PCNT: variants seen among roughly 807,000 people sequenced by gnomAD.
PCNT encodes the protein kendrin.
A neutral mutation model predicts 380.4 loss-of-function variants in PCNT; 319 were observed. That is an observed-to-expected ratio of 0.84 (90% CI 0.77 to 0.92). The LOEUF is 0.92. Among genes scored for constraint, PCNT ranks in the 40% least tolerant of loss-of-function variants. PCNT has a pLI of 0.00. For missense variants in PCNT, 4,400 were observed against 4,255.3 expected, an observed-to-expected ratio of 1.03 and a Z score of -0.95; for synonymous variants, 1,845 against 1,735.2, an observed-to-expected ratio of 1.06 and a Z score of -1.57.
Position 46,354,029 on chromosome 21 carries a change from A to G in PCNT, c.1722A>G (p.Arg574=). The G allele has an allele frequency of 6.2e-7, 1 of 1,614,196 alleles. No homozygotes were observed. The highest frequency in any genetic ancestry group is 8.5e-7 in the Non-Finnish European group (1 of 1,180,002). The change falls in exon 11 of 47, where the codon AGA becomes AGG. Residue 574 remains arginine, a synonymous_variant. Transcript: ENST00000359568. ...TAGAAGAGAAACCTGAGAAAGGAAG[A>G]AAAGATCACGTTGATGAACTCGAGC... ...VGLEEKPEKG[R]KDHVDELEPE...
chr21:46,431,201 G>A (rs2087748823), intron 37 of PCNT: 2 of 1,236,070 alleles, frequency 1.6e-6, no homozygotes, highest in Non-Finnish European at 2.0e-6. Flanking sequence ...TCTGAAGAGG[G>A]GGCAGGAGCC....
Position 46,432,178 on chromosome 21 carries a change from A to G in PCNT, c.8714A>G (p.Glu2905Gly), listed in dbSNP as rs750221015. 3 of 1,612,816 alleles carry G rather than the reference A, an allele frequency of 1.9e-6. No homozygotes were observed. Among genetic ancestry groups the G allele is most frequent in the East Asian group, 4.5e-5 (2 of 44,874 alleles). Residue 2905 changes from glutamate (E) to glycine (G), a missense_variant, in exon 38 of 47, where the codon GAG (glutamate) becomes GGG (glycine). Physicochemically the swap from Glu to Gly is moderately conservative, Grantham distance 98. Transcript: ENST00000359568. Reference protein sequence around the residue: ...AEARQSPAAAEQWRKWQRDKE... With the variant: ...AEARQSPAAAGQWRKWQRDKE... ...GCCAGGCAGAGCCCAGCGGCTGCGG[A>G]GCAGTGGAGGAAGTGGCAGAGAGAC...
chr21:46,386,611 C>A (rs2085847376), intron 17 of PCNT, among the ~76,000 whole-genome samples: 1 of 152,244 alleles, frequency 6.6e-6, no homozygotes, highest in Non-Finnish European at 1.5e-5. Flanking sequence ...CAGGCCACAT[C>A]CTGCCTTGGT....
chr21:46,333,741 G>A (rs112158034), intron 2 of PCNT, among the ~76,000 whole-genome samples: 13,536 of 149,480 alleles, frequency 0.091, 761 homozygotes, highest in Middle Eastern at 0.14. Flanking sequence ...GGGAGGTTGA[G>A]ACAGGAGAAT....
At chr21:46,433,948 T>C (rs979804785) in intron 38 of PCNT, among the ~76,000 whole-genome samples, 5 of 152,208 alleles carry the variant, frequency 3.3e-5, no homozygotes, top group African/African-American at 1.2e-4. Context: ...AGCTAATTTT[T>C]GTATTTTTAG....
rs769731715 is a variant in PCNT, at chr21:46,427,910, G to C, written c.7494+115G>C. 3 of 1,159,074 alleles carry C rather than the reference G, an allele frequency of 2.6e-6. No homozygotes were observed. In the Admixed American group the frequency reaches 5.8e-5, roughly 23 times the overall value. The allele number at this position is 1,159,074 out of a possible 1,614,324, so 71.8% of individuals were successfully genotyped here. A position where few individuals can be genotyped will look rare whatever the true frequency, so the allele number is the denominator to read the frequency against. ...TTCGGTTTGTGTGTTTCTCTCGACCGCTGGAATGTGGCTGTCACTTACCCA... is the reference window on the plus strand; with the variant it reads ...TTCGGTTTGTGTGTTTCTCTCGACCCCTGGAATGTGGCTGTCACTTACCCA... On this transcript the variant is annotated intron_variant, in intron 34 of 46. Transcript: ENST00000359568.
intron 19 of PCNT, among the ~76,000 whole-genome samples, chr21:46,389,852 G>A (rs1260532077): frequency 6.6e-6 from 1 of 152,236 alleles, no homozygotes; most frequent in African/African-American, 2.4e-5. Context: ...GGAGGCTAAG[G>A]TAGGAGGTTC....
Position 46,425,926 on chromosome 21 carries a change from G to A in PCNT, c.7275G>A (p.Lys2425=). The change falls in exon 33 of 47, where the codon AAG becomes AAA. Residue 2425 remains lysine, a synonymous_variant. Transcript: ENST00000359568. The surrounding 1 kb of genome is among the most constrained non-coding windows in gnomAD (Gnocchi z 4.2). The part of the protein sequence containing the change: ...PPSGEPHPPR[K]EDEIQDISLH... ...GCGGCGAGCCACACCCACCCCGGAAGGAAGACGAGATACAGGACATCTCGC... is the reference window on the plus strand; with the variant it reads ...GCGGCGAGCCACACCCACCCCGGAAAGAAGACGAGATACAGGACATCTCGC... 3 of 1,614,108 alleles carry A rather than the reference G, an allele frequency of 1.9e-6. No individual in the cohort carries two copies. The highest frequency in any genetic ancestry group is 2.5e-6 in the Non-Finnish European group (3 of 1,180,022).
chr21:46,440,210 C>G lies in PCNT; in HGVS notation c.9393+8C>G, dbSNP rs750108017. ...CACACCAGCAATGTCAAGGTAGGAA[C>G]GGTGCCACGAGTATAGAACTTTGGT... On this transcript the variant is annotated splice_region_variant and intron_variant, in intron 42 of 46. Coordinates refer to ENST00000359568, the MANE Select transcript of PCNT (RefSeq NM_006031.6). 3.1e-6 allele frequency: 5 copies of G among 1,613,856 alleles called. No homozygotes were observed. In the East Asian group the frequency reaches 8.9e-5, roughly 29 times the overall value.
intron 38 of PCNT, among the ~76,000 whole-genome samples, chr21:46,434,027 C>T (rs910597097): frequency 4.6e-5 from 7 of 152,182 alleles, no homozygotes; most frequent in African/African-American, 1.4e-4. Flanking sequence ...GATCCGCCCA[C>T]CTTGGCCTCC....
At chr21:46,372,088 C>CACATAGCACATGTGCAT (rs2085159670) in intron 15 of PCNT, among the ~76,000 whole-genome samples, 1 of 151,268 alleles carries the variant, frequency 6.6e-6, no homozygotes, top group Non-Finnish European at 1.5e-5. Flanking sequence ...CACATGCGCA[C>CACATAGCACATGTGCAT]ACATAGCACA....
chr21:46,376,466 G>A (rs769589106), intron 15 of PCNT, among the ~76,000 whole-genome samples: 2 of 152,208 alleles, frequency 1.3e-5, no homozygotes, highest in East Asian at 1.9e-4. Flanking sequence ...GGAGGGAAGC[G>A]CCTGATCTGT....
rs189194194 is a variant in PCNT, at chr21:46,352,751, C to A, written c.1457-353C>A. Among the ~76,000 whole-genome samples the A allele has an allele frequency of 3.9e-5, 6 of 152,308 alleles. No individual in the cohort carries two copies. In the East Asian group the frequency reaches 1.2e-3, roughly 29 times the overall value. On this transcript the variant is annotated intron_variant, in intron 9 of 46. Coordinates refer to ENST00000359568, the MANE Select transcript of PCNT (RefSeq NM_006031.6). ...TAGCCCACATCCAGGTGTCAGCTGT[C>A]GTGTGCCAACCTGATGAGCCTGCTT...
intron 27 of PCNT, among the ~76,000 whole-genome samples, chr21:46,406,438 G>A (rs575688405): frequency 5.9e-5 from 9 of 152,220 alleles, no homozygotes; most frequent in Admixed American, 5.2e-4. Context: ...GTTGTTTACC[G>A]TGAATACACA....
Position 46,363,513 on chromosome 21 carries a change from G to T in PCNT, c.2188G>T (p.Glu730Ter), listed in dbSNP as rs761005255. ...CAATCTAATTGAAGACCACCAGAAG[G>T]AACTAAATAATGCTAAGCAAAAGAC... is the stretch of plus-strand genomic sequence containing the variant. ...KHNLIEDHQK[E>*]LNNAKQKTEL... Residue 730 changes from glutamate (E) to a stop codon, truncating the protein, a stop_gained, in exon 14 of 47, where the codon GAA becomes TAA. Coordinates refer to ENST00000359568, the MANE Select transcript of PCNT (RefSeq NM_006031.6). LOFTEE classifies it high-confidence loss of function. 1 of 1,613,912 alleles carries T rather than the reference G, an allele frequency of 6.2e-7. No individual in the cohort carries two copies. Among genetic ancestry groups the T allele is most frequent in the Non-Finnish European group, 8.5e-7 (1 of 1,179,900 alleles).
chr21:46,367,153 GC>G lies in PCNT; in HGVS notation c.3165+17del. ...GGAGTGCACCAGGTAAGGCGCCAGGGCCCTGCCCCAGCCCAGGGCAGGCCTC... is the reference window on the plus strand; with the variant it reads ...GGAGTGCACCAGGTAAGGCGCCAGGGCCTGCCCCAGCCCAGGGCAGGCCTC... On this transcript the variant is annotated intron_variant, in intron 15 of 46. Transcript: ENST00000359568. 1 of 1,608,706 alleles carries G rather than the reference GC, an allele frequency of 6.2e-7. No individual in the cohort carries two copies. Among genetic ancestry groups the G allele is most frequent in the South Asian group, 1.1e-5 (1 of 91,008 alleles).
chr21:46,333,200 G>A (rs764189937), intron 2 of PCNT, among the ~76,000 whole-genome samples: 26 of 152,214 alleles, frequency 1.7e-4, no homozygotes, highest in Middle Eastern at 3.4e-3. Context: ...TTGGGAGGCC[G>A]AGTTGGGCAG....
intron 2 of PCNT, among the ~76,000 whole-genome samples, chr21:46,332,748 G>A (rs561030256): frequency 1.3e-5 from 2 of 152,356 alleles, no homozygotes; most frequent in South Asian, 4.1e-4. Flanking sequence ...ATCCCGAAAA[G>A]TCGACACTGT....
intron 36 of PCNT, 131 bp from the exon 37 acceptor site, chr21:46,430,376 T>C (rs1449827017): frequency 1.4e-6 from 2 of 1,415,824 alleles, no homozygotes. Flanking sequence ...CCTGGGTTGA[T>C]AATCCTGTGG....
Sources: allele counts gnomAD v4.1 joint callset (sites outside exome capture counted in the v4.1 genomes callset), GRCh38; gene constraint gnomAD v4.1.1; non-coding constraint Gnocchi (gnomAD v3.1); transcripts MANE v1.5; gene names NCBI Gene and HGNC (gene_info 2026-07-23, HGNC 2026-07-21).